The following GRID2IP variants were observed in gnomAD, a reference collection of about 807,000 sequenced individuals.
GRID2IP encodes the protein Grid2 interacting protein.
In GRID2IP, 78 loss-of-function variants were observed where a neutral mutation model predicts 114.3. The observed-to-expected ratio is 0.68, with a 90% confidence interval of 0.57 to 0.82. GRID2IP has a LOEUF of 0.82. Among genes scored for constraint, GRID2IP ranks in the 40% least tolerant of loss-of-function variants. The pLI is 0.00. For missense variants in GRID2IP, 1,727 were observed against 1,678.5 expected (o/e 1.03, Z -0.51); for synonymous variants, 809 against 724.0 (o/e 1.12, Z -1.89).
At position 6,503,604 on chromosome 7, in the gene GRID2IP, CGGGCTCCAGGCGCCG is replaced by C; in HGVS notation, c.2779_2793del (p.Arg927_Pro931del). 6.5e-7 allele frequency: 1 copy of C among 1,529,162 alleles called. No individual in the cohort carries two copies. The highest frequency in any genetic ancestry group is 8.7e-7 in the Non-Finnish European group (1 of 1,144,380). The allele number at this position is 1,529,162 out of a possible 1,614,324, so 94.7% of individuals were successfully genotyped here. A position where few individuals can be genotyped will look rare whatever the true frequency, so the allele number is the denominator to read the frequency against. On this transcript the variant is annotated inframe_deletion, in exon 16 of 22. Transcript: ENST00000457091. ...AAGAGCAGCAGCTGCGCGAGATGTG[CGGGCTCCAGGCGCCG>C]GGGCTCCATGCTCATCAGCACCTGG...
In GRID2IP at chr7:6,521,296, A is replaced by T; in HGVS notation, c.1084+133T>A. On this transcript the variant is annotated intron_variant, in intron 6 of 21. Transcript: ENST00000457091. This position sits in a 1 kb window ranked among gnomAD's most constrained non-coding sequence, Gnocchi z 4.1. ...TCACTGGGGTTCTATAGCACCACTTAGGAGGCAGCCCCGGGGAGGCAAGCT... is the reference window on the plus strand; with the variant it reads ...TCACTGGGGTTCTATAGCACCACTTTGGAGGCAGCCCCGGGGAGGCAAGCT... 1 of 621,278 alleles carries T rather than the reference A, an allele frequency of 1.6e-6. No homozygotes were observed. Among genetic ancestry groups the T allele is most frequent in the Middle Eastern group, 2.6e-4 (1 of 3,812 alleles). The allele number at this position is 621,278 out of a possible 1,614,324, so 38.5% of individuals were successfully genotyped here.
chr7:6,512,733 A>C (rs1031523830), intron 8 of GRID2IP, among the ~76,000 whole-genome samples: 1 of 151,234 alleles, frequency 6.6e-6, no homozygotes, highest in African/African-American at 2.4e-5. Flanking sequence ...CTTGTCTCGA[A>C]CTCCTGACCT....
intron 2 of GRID2IP, among the ~76,000 whole-genome samples, chr7:6,529,623 G>T (rs1332087793): frequency 6.6e-6 from 1 of 152,174 alleles, no homozygotes; most frequent in East Asian, 1.9e-4. Context: ...CCTCCATGCA[G>T]CTCAGTCTGG....
At chr7:6,537,297 A>G (rs1268090800) in intron 2 of GRID2IP, among the ~76,000 whole-genome samples, 1 of 145,306 alleles carries the variant, frequency 6.9e-6, no homozygotes, top group African/African-American at 2.5e-5. Flanking sequence ...TAATCCCAGC[A>G]TTTTGGGAGG....
chr7:6,549,582 G>A (rs1779937320), intron 1 of GRID2IP, among the ~76,000 whole-genome samples: 2 of 152,328 alleles, frequency 1.3e-5, no homozygotes, highest in East Asian at 1.9e-4. Context: ...TTTTGTGGGG[G>A]CTTAGAACAG....
At chr7:6,533,800 C>A (rs1169423836) in intron 2 of GRID2IP, among the ~76,000 whole-genome samples, 1 of 151,458 alleles carries the variant, frequency 6.6e-6, no homozygotes, top group Non-Finnish European at 1.5e-5. Context: ...CATGAACCAC[C>A]AAACCCAGCT....
At chr7:6,543,127 G>C (rs1404434091) in intron 1 of GRID2IP, among the ~76,000 whole-genome samples, 1 of 152,034 alleles carries the variant, frequency 6.6e-6, no homozygotes, top group Non-Finnish European at 1.5e-5. Context: ...GGGTGCGGTG[G>C]CTCACGGCTG....
chr7:6,500,894 C>T (rs1055551210), intron 20 of GRID2IP, among the ~76,000 whole-genome samples: 37 of 152,350 alleles, frequency 2.4e-4, no homozygotes, highest in Middle Eastern at 3.4e-3. Flanking sequence ...TCCCACCCTC[C>T]TGACTGCCTT....
At chr7:6,512,397 T>G (rs965255941) in intron 8 of GRID2IP, among the ~76,000 whole-genome samples, 5 of 150,990 alleles carry the variant, frequency 3.3e-5, no homozygotes, top group African/African-American at 1.2e-4. Context: ...AATTTCAAAT[T>G]TTTTTGCTAT....
chr7:6,529,501 C>G (rs1779575979), intron 2 of GRID2IP, among the ~76,000 whole-genome samples: 1 of 152,200 alleles, frequency 6.6e-6, no homozygotes, highest in Non-Finnish European at 1.5e-5. Context: ...CTGTCACCAA[C>G]TGCACAGATG....
chr7:6,542,131 G>A (rs948017514), intron 1 of GRID2IP, among the ~76,000 whole-genome samples: 6 of 151,592 alleles, frequency 4.0e-5, no homozygotes, highest in East Asian at 1.9e-4. Flanking sequence ...GTGAAACCCC[G>A]TCTCTACTAA....
chr7:6,528,355 G>A lies in GRID2IP; in HGVS notation c.585-1586C>T, dbSNP rs547741562. On this transcript the variant is annotated intron_variant, in intron 2 of 21. Transcript: ENST00000457091. The surrounding 1 kb of genome is among the most constrained non-coding windows in gnomAD (Gnocchi z 6.0). The stretch of plus-strand genomic sequence containing the variant: ...CAGTTAACATCCTGATGGACTCTCC[G>A]GTCTGTGGCAGAGGATTCTGAGGCA... Among the ~76,000 whole-genome samples, 4 of 152,266 alleles carry A rather than the reference G, an allele frequency of 2.6e-5. No homozygotes were observed. In the East Asian group the frequency reaches 7.7e-4, roughly 29 times the overall value.
chr7:6,531,655 T>C (rs1481459966), intron 2 of GRID2IP, among the ~76,000 whole-genome samples: 1 of 152,220 alleles, frequency 6.6e-6, no homozygotes, highest in African/African-American at 2.4e-5. Flanking sequence ...TATACCATCA[T>C]GCCTGGCTAA....
Position 6,509,093 on chromosome 7 carries a change from G to A in GRID2IP, c.1992C>T (p.Arg664=), listed in dbSNP as rs1481268332. 2 of 1,484,268 alleles carry A rather than the reference G, an allele frequency of 1.3e-6. No homozygotes were observed. The highest frequency in any genetic ancestry group is 1.4e-5 in the African/African-American group (1 of 71,296). 91.9% of individuals were successfully genotyped at this position (1,484,268 alleles called of 1,614,324 possible). A position where few individuals can be genotyped will look rare whatever the true frequency, so the allele number is the denominator to read the frequency against. Residue 664 remains arginine (R), a synonymous_variant, in exon 12 of 22, where the codon CGC becomes CGT. Transcript: ENST00000457091. This position sits in a 1 kb window ranked among gnomAD's most constrained non-coding sequence, Gnocchi z 4.9. ...GGTGGGAGAAGGTGAAGAGCTTCCT[G>A]CGGCTGGGCGGGCGGGTGGGGTCCG... ...PSPDPTRPPS[R]RKLFTFSHPV... is the part of the protein sequence containing the mutation.
At position 6,498,238 on chromosome 7, in the gene GRID2IP, C is replaced by T; in HGVS notation, c.3400-10G>A. 3 of 1,533,426 alleles carry T rather than the reference C, an allele frequency of 2.0e-6. No homozygotes were observed. Among genetic ancestry groups the T allele is most frequent in the South Asian group, 2.5e-5 (2 of 81,582 alleles). 95.0% of individuals were successfully genotyped at this position (1,533,426 alleles called of 1,614,324 possible). On this transcript the variant is annotated splice_polypyrimidine_tract_variant and intron_variant, in intron 20 of 21. Coordinates refer to ENST00000457091, the MANE Select transcript of GRID2IP (RefSeq NM_001145118.2). ...CCGTCTCCAGGAAGGACTGACAGGCCTCAGTTAAGGAAACAGCCAGCCCGC... is the reference window on the plus strand; with the variant it reads ...CCGTCTCCAGGAAGGACTGACAGGCTTCAGTTAAGGAAACAGCCAGCCCGC...
At chr7:6,510,863 G>A (rs12702520) in intron 9 of GRID2IP, 45 bp downstream of exon 9, 1,040,570 of 1,538,336 alleles carry the variant, frequency 0.68, 360,829 homozygotes, top group Non-Finnish European at 0.71. Context: ...TTGCAGGTGG[G>A]AAAACTGAGC....
At position 6,532,777 on chromosome 7, in the gene GRID2IP, G is replaced by A. The variant is rs1252890239; in HGVS notation, c.585-6008C>T. ...AGAACCACACATGGCCAAAGGCTCT[G>A]AAAACCATCCACCGTGCTGTGAGCA... On this transcript the variant is annotated intron_variant, in intron 2 of 21. Coordinates refer to ENST00000457091, the MANE Select transcript of GRID2IP (RefSeq NM_001145118.2). The surrounding 1 kb of genome is among the most constrained non-coding windows in gnomAD (Gnocchi z 4.4). 3.9e-5 allele frequency among the ~76,000 whole-genome samples: 6 copies of A among 152,234 alleles called. No homozygotes were observed. Among genetic ancestry groups the A allele is most frequent in the Non-Finnish European group, 7.3e-5 (5 of 68,044 alleles).
chr7:6,541,000 C>A (rs1375849618), intron 1 of GRID2IP, among the ~76,000 whole-genome samples: 1 of 151,996 alleles, frequency 6.6e-6, no homozygotes, highest in Non-Finnish European at 1.5e-5. Flanking sequence ...ACATGCTTGG[C>A]TAATCTGTTT....
intron 9 of GRID2IP, 50 bp downstream of exon 9, chr7:6,510,858 G>T: frequency 6.5e-7 from 1 of 1,532,468 alleles, no homozygotes; most frequent in South Asian, 1.2e-5. Flanking sequence ...CCATTTTGCA[G>T]GTGGGAAAAC....
Sources: gnomAD v4.1 joint callset for allele counts (sites outside exome capture counted in the v4.1 genomes callset) on GRCh38, gnomAD v4.1.1 for gene constraint, Gnocchi (gnomAD v3.1) non-coding constraint, MANE v1.5 for transcripts, NCBI Gene and HGNC (gene_info 2026-07-23, HGNC 2026-07-21) for gene names.